STRN: variants seen among roughly 807,000 people sequenced by gnomAD.
STRN encodes the protein protein phosphatase 2 regulatory subunit B'''alpha.
A neutral mutation model predicts 96.3 loss-of-function variants in STRN; 53 were observed. The observed-to-expected ratio is 0.55, with a 90% CI of 0.44 to 0.69. The LOEUF (loss-of-function observed/expected upper bound fraction) is 0.69. Ranked by LOEUF, STRN falls within the 30% of genes least tolerant of loss-of-function variation. The pLI is 0.00. For missense variants in STRN, 987 were observed against 963.9 expected, an observed-to-expected ratio of 1.02 and a Z score of -0.32; for synonymous variants, 428 against 355.9, an observed-to-expected ratio of 1.20 and a Z score of -2.28.
chr2:36,905,938 AAGT>A (rs1161316277), intron 3 of STRN, among the ~76,000 whole-genome samples: 4 of 152,206 alleles, frequency 2.6e-5, no homozygotes, highest in Non-Finnish European at 5.9e-5. Context: ...AGCCAAATAA[AAGT>A]ATTATAAAGT....
chr2:36,901,674 T>A (rs55993128), intron 5 of STRN, among the ~76,000 whole-genome samples: 7,263 of 152,080 alleles, frequency 0.048, 261 homozygotes, highest in East Asian at 0.13. Flanking sequence ...AGAAATAACA[T>A]GCCTTACATT....
intron 1 of STRN, among the ~76,000 whole-genome samples, chr2:36,948,666 C>T (rs1393570814): frequency 2.0e-5 from 3 of 152,070 alleles, no homozygotes; most frequent in East Asian, 1.9e-4. Flanking sequence ...ATGTAGTAGA[C>T]GCTCAATAAA....
At chr2:36,873,163 T>C (rs901998461) in intron 10 of STRN, among the ~76,000 whole-genome samples, 6 of 152,166 alleles carry the variant, frequency 3.9e-5, no homozygotes, top group Admixed American at 3.9e-4. Flanking sequence ...ACTGTAAAAA[T>C]TTAAAATGGA....
Position 36,867,851 on chromosome 2 carries a change from G to A in STRN, c.1510C>T (p.Leu504Phe). Residue 504 changes from leucine (L) to phenylalanine (F), a missense_variant, in exon 12 of 18, where the codon CTT becomes TTT. Physicochemically the swap from Leu to Phe is conservative, Grantham distance 22. Coordinates refer to ENST00000263918, the MANE Select transcript of STRN (RefSeq NM_003162.4). ...KTAPAKKSTS[L>F]DVEPIYTFRA... ...AATGTATAGATAGGTTCTACATCAA[G>A]AGAAGTGCTCCTAAATCAGAGAGAG... 1 of 1,592,774 alleles carries A rather than the reference G, an allele frequency of 6.3e-7. No homozygotes were observed. The highest frequency in any genetic ancestry group is 8.5e-7 in the Non-Finnish European group (1 of 1,171,136).
chr2:36,861,059 C>T (rs1668466810), intron 13 of STRN, 73 bp downstream of exon 13: 1 of 1,543,580 alleles, frequency 6.5e-7, no homozygotes, highest in African/African-American at 1.4e-5. Context: ...TTTATCTCTT[C>T]CTTTTATATT....
chr2:36,954,629 G>C (rs996570653), intron 1 of STRN, among the ~76,000 whole-genome samples: 10 of 148,262 alleles, frequency 6.7e-5, no homozygotes, highest in African/African-American at 1.2e-4. Flanking sequence ...GGAAATGAGA[G>C]AACCACTTTT....
chr2:36,919,550 G>A (rs913428182), intron 2 of STRN, among the ~76,000 whole-genome samples: 5 of 152,136 alleles, frequency 3.3e-5, no homozygotes, highest in African/African-American at 1.2e-4. Flanking sequence ...GGTATGGAAG[G>A]AATGGAGACA....
intron 12 of STRN, among the ~76,000 whole-genome samples, chr2:36,862,716 C>T (rs1303312020): frequency 1.3e-5 from 2 of 151,522 alleles, no homozygotes; most frequent in Middle Eastern, 3.2e-3. Context: ...CCTTTGCCCA[C>T]TTTTTAATGG....
chr2:36,879,507 CA>C (rs1391554760), intron 9 of STRN, among the ~76,000 whole-genome samples: 1 of 152,218 alleles, frequency 6.6e-6, no homozygotes, highest in Non-Finnish European at 1.5e-5. Flanking sequence ...ATTCCTTCAA[CA>C]ACCATCATAG....
intron 10 of STRN, among the ~76,000 whole-genome samples, chr2:36,875,729 T>C (rs190019966): frequency 0.014 from 2,064 of 150,564 alleles, 26 homozygotes; most frequent in Non-Finnish European, 0.022. Context: ...CAATCTCGGC[T>C]CACTGCAAAC....
Position 36,850,972 on chromosome 2 carries a change from TAAAAATCAA to T in STRN, c.2086+19_2086+27del. ...TAGGGATTTTTTTTTTTTGCTTTAA[TAAAAATCAA>T]TTCTTAATAAATTCTTACCTGTATT... On this transcript the variant is annotated intron_variant, in intron 16 of 17. Coordinates refer to ENST00000263918, the MANE Select transcript of STRN (RefSeq NM_003162.4). 1.3e-6 allele frequency: 2 copies of T among 1,491,892 alleles called. No individual in the cohort carries two copies. The highest frequency in any genetic ancestry group is 9.1e-7 in the Non-Finnish European group (1 of 1,104,056). 92.4% of individuals were successfully genotyped at this position (1,491,892 alleles called of 1,614,324 possible). A position where few individuals can be genotyped will look rare whatever the true frequency, so the allele number is the denominator to read the frequency against.
chr2:36,885,972 A>T (rs1261164620), intron 8 of STRN, among the ~76,000 whole-genome samples: 1 of 152,102 alleles, frequency 6.6e-6, no homozygotes, highest in Admixed American at 6.6e-5. Context: ...GTTTTCAGGA[A>T]TGGTTTGTAA....
In STRN at chr2:36,841,758, C is replaced by T. The variant is rs1213973680; in HGVS notation, c.*7698G>A. 2.0e-5 allele frequency: 3 copies of T among 152,208 alleles called. No homozygotes were observed. Among genetic ancestry groups the T allele is most frequent in the Non-Finnish European group, 2.9e-5 (2 of 68,044 alleles). The allele number at this position is 152,208 out of a possible 1,614,324, so 9.4% of individuals were successfully genotyped here. A position where few individuals can be genotyped will look rare whatever the true frequency, so the allele number is the denominator to read the frequency against. On this transcript the variant is annotated 3_prime_UTR_variant, in exon 18 of 18. Transcript: ENST00000263918. ...ATAATGAAAACTATTTCCTCTGACA[C>T]TTTGCCATGGGGCTCTAGGATACTT...
intron 1 of STRN, among the ~76,000 whole-genome samples, chr2:36,947,947 C>A (rs1366218095): frequency 6.6e-6 from 1 of 151,862 alleles, no homozygotes; most frequent in Non-Finnish European, 1.5e-5. Flanking sequence ...AAAGTAACAT[C>A]TTCCAAGGCA....
chr2:36,944,542 A>G (rs1670931310), intron 1 of STRN, among the ~76,000 whole-genome samples: 1 of 152,200 alleles, frequency 6.6e-6, no homozygotes, highest in Non-Finnish European at 1.5e-5. Flanking sequence ...ACAAATCCCA[A>G]TGACTTCATT....
In STRN at chr2:36,900,509, C is replaced by T. The variant is rs978428949; in HGVS notation, c.660-851G>A. ...GTCAAATTAACATTGCTACTAGACTCGACCCTGTTGATTAATAAGCCATTA... is the reference window on the plus strand; with the variant it reads ...GTCAAATTAACATTGCTACTAGACTTGACCCTGTTGATTAATAAGCCATTA... On this transcript the variant is annotated intron_variant, in intron 5 of 17. Transcript: ENST00000263918. 2.0e-5 allele frequency among the ~76,000 whole-genome samples: 3 copies of T among 152,154 alleles called. 1 individual carries two copies. The highest frequency in any genetic ancestry group is 1.3e-4 in the Admixed American group (2 of 15,276).
At chr2:36,893,375 G>A (rs1383868022) in intron 7 of STRN, among the ~76,000 whole-genome samples, 1 of 151,110 alleles carries the variant, frequency 6.6e-6, no homozygotes, top group African/African-American at 2.4e-5. Context: ...TTTTTTATGA[G>A]ACGGATTTTC....
chr2:36,930,943 G>C (rs998557667), intron 1 of STRN, among the ~76,000 whole-genome samples: 8 of 151,740 alleles, frequency 5.3e-5, no homozygotes, highest in Non-Finnish European at 1.2e-4. Context: ...TCAGGCAGGA[G>C]AACTGCTTGA....
chr2:36,953,155 G>A (rs1664801765), intron 1 of STRN, among the ~76,000 whole-genome samples: 1 of 152,088 alleles, frequency 6.6e-6, no homozygotes, highest in African/African-American at 2.4e-5. Context: ...TCTTTCTGGT[G>A]AGTGATGCAT....
Sources: allele counts gnomAD v4.1 joint callset (sites outside exome capture counted in the v4.1 genomes callset), GRCh38; gene constraint gnomAD v4.1.1; transcripts MANE v1.5; gene names NCBI Gene and HGNC (gene_info 2026-07-23, HGNC 2026-07-21).